TBCK: variants seen among roughly 807,000 people sequenced by gnomAD.
TBCK encodes TBC1 domain containing kinase.
Under a neutral mutation model 113.4 loss-of-function variants are expected in TBCK, and 99 were observed. The ratio of observed to expected loss-of-function variants is 0.87; its 90% confidence interval spans 0.74 to 1.03. TBCK has a LOEUF of 1.03. TBCK is among the 50% of genes least tolerant of loss of function. TBCK has a pLI of 0.00. For missense variants in TBCK, 1,045 were observed against 1,061.3 expected, an observed-to-expected ratio of 0.98 and a Z score of 0.21; for synonymous variants, 369 against 370.8, an observed-to-expected ratio of 1.00 and a Z score of 0.05.
intron 24 of TBCK, among the ~76,000 whole-genome samples, chr4:106,113,503 T>G (rs1284096013): frequency 6.6e-6 from 1 of 152,192 alleles, no homozygotes; most frequent in Non-Finnish European, 1.5e-5. Context: ...CCAAATGAAT[T>G]GTTAACATGT....
At position 106,046,280 on chromosome 4, in the gene TBCK, A is replaced by G. The variant is rs1734208385; in HGVS notation, c.*290T>C. ...GCAAATGGGATTTCTTGATAATGCT[A>G]AATCTGTCTTGTCAGCTGAATTTCT... is the stretch of plus-strand genomic sequence containing the variant. On this transcript the variant is annotated 3_prime_UTR_variant, in exon 26 of 26. Transcript: ENST00000394708. The G allele has an allele frequency of 7.8e-6, 2 of 257,682 alleles. No homozygotes were observed. Among genetic ancestry groups the G allele is most frequent in the Non-Finnish European group, 1.5e-5 (2 of 135,430 alleles). The allele number at this position is 257,682 out of a possible 1,614,324, so 16.0% of individuals were successfully genotyped here.
intron 19 of TBCK, among the ~76,000 whole-genome samples, chr4:106,225,659 G>A (rs1040316316): frequency 3.3e-5 from 5 of 151,724 alleles, no homozygotes; most frequent in African/African-American, 1.2e-4. Context: ...GGGTTTCACC[G>A]TGTTGGCCAG....
intron 23 of TBCK, among the ~76,000 whole-genome samples, chr4:106,157,187 A>G (rs1749229230): frequency 6.6e-6 from 1 of 152,000 alleles, no homozygotes. Context: ...CTGGTATTCT[A>G]TCCTACTGTG....
In TBCK at chr4:106,262,200, A is replaced by T; in HGVS notation, c.279T>A (p.Val93=). ...RERKPVSCST[V]LCIAFEVLQG... ...GAAGAACCTCAAATGCTATACACAA[A>T]ACCGTTGAACAGCTACAAAGAAAAC... Residue 93 remains valine (V), a synonymous_variant, in exon 4 of 26, where the codon GTT becomes GTA. Coordinates refer to ENST00000394708, the MANE Select transcript of TBCK (RefSeq NM_001163435.3). 6.5e-7 allele frequency: 1 copy of T among 1,540,810 alleles called. No homozygotes were observed. The highest frequency in any genetic ancestry group is 2.5e-5 in the East Asian group (1 of 40,668).
chr4:106,155,130 C>T (rs1186252283), intron 23 of TBCK, among the ~76,000 whole-genome samples: 2 of 150,538 alleles, frequency 1.3e-5, no homozygotes, highest in Admixed American at 6.6e-5. Flanking sequence ...GGAGGATACA[C>T]TATTCTAGGG....
At chr4:106,097,269 AC>A (rs945210707) in intron 24 of TBCK, among the ~76,000 whole-genome samples, 15 of 152,170 alleles carry the variant, frequency 9.9e-5, no homozygotes, top group African/African-American at 3.6e-4. Context: ...TTTAGGCTAC[AC>A]TTTGGAAAAT....
chr4:106,093,460 T>C (rs1740546270), intron 25 of TBCK, among the ~76,000 whole-genome samples: 2 of 152,080 alleles, frequency 1.3e-5, no homozygotes, highest in Admixed American at 6.5e-5. Context: ...TGAGCTGAGA[T>C]TGCACCACTG....
chr4:106,132,054 G>C (rs1442787338), intron 23 of TBCK, among the ~76,000 whole-genome samples: 1 of 152,206 alleles, frequency 6.6e-6, no homozygotes, highest in Non-Finnish European at 1.5e-5. Context: ...TGAAAAATTT[G>C]AAGGTTGGCA....
intron 12 of TBCK, among the ~76,000 whole-genome samples, chr4:106,239,109 C>G (rs906152938): frequency 6.6e-6 from 1 of 152,046 alleles, no homozygotes; most frequent in Non-Finnish European, 1.5e-5. Context: ...GGAAACTCTT[C>G]GGTCAGGTCT....
intron 22 of TBCK, among the ~76,000 whole-genome samples, chr4:106,176,526 C>T (rs994249130): frequency 1.3e-5 from 2 of 152,154 alleles, no homozygotes; most frequent in South Asian, 2.1e-4. Flanking sequence ...TGCCTTTTAT[C>T]GCTGAATGGT....
chr4:106,271,783 CT>C (rs1763517179), intron 3 of TBCK, among the ~76,000 whole-genome samples: 1 of 150,382 alleles, frequency 6.6e-6, no homozygotes, highest in East Asian at 1.9e-4. Flanking sequence ...AAAAAAACAA[CT>C]GTTCTTAAGT....
chr4:106,094,779 T>C (rs1388648280), intron 25 of TBCK, among the ~76,000 whole-genome samples: 1 of 152,174 alleles, frequency 6.6e-6, no homozygotes, highest in East Asian at 1.9e-4. Context: ...AGGGAGCAAG[T>C]TACCTCTGCT....
chr4:106,176,243 T>A (rs1751654226), intron 22 of TBCK, among the ~76,000 whole-genome samples: 1 of 152,096 alleles, frequency 6.6e-6, no homozygotes, highest in Non-Finnish European at 1.5e-5. Flanking sequence ...CATCCTACTG[T>A]GCTGTCTATT....
At chr4:106,113,804 T>C (rs1743148327) in intron 24 of TBCK, among the ~76,000 whole-genome samples, 1 of 152,190 alleles carries the variant, frequency 6.6e-6, no homozygotes, top group Non-Finnish European at 1.5e-5. Flanking sequence ...TTTAATTCTT[T>C]CACTTTACCT....
intron 23 of TBCK, among the ~76,000 whole-genome samples, chr4:106,168,965 C>G (rs910065406): frequency 2.0e-5 from 3 of 151,860 alleles, no homozygotes; most frequent in Non-Finnish European, 2.9e-5. Flanking sequence ...AGATGATAGT[C>G]AAAGGAAATG....
At chr4:106,144,261 T>C (rs1312817707) in intron 23 of TBCK, among the ~76,000 whole-genome samples, 1 of 152,196 alleles carries the variant, frequency 6.6e-6, no homozygotes, top group East Asian at 1.9e-4. Context: ...ATGATAAAAA[T>C]CTTGTTAACT....
At chr4:106,235,459 A>C in intron 14 of TBCK, 92 bp from the exon 15 acceptor site, 5 of 715,256 alleles carry the variant, frequency 7.0e-6, no homozygotes, top group Non-Finnish European at 8.4e-6. Flanking sequence ...GATAAAACTT[A>C]AGTGACTTGC....
chr4:106,101,489 G>A (rs752369756), intron 24 of TBCK, among the ~76,000 whole-genome samples: 3 of 152,140 alleles, frequency 2.0e-5, no homozygotes, highest in Non-Finnish European at 4.4e-5. Context: ...TTGCTTTGAA[G>A]AAGTTTTTAT....
At chr4:106,121,091 C>G (rs1043248563) in intron 23 of TBCK, among the ~76,000 whole-genome samples, 1 of 152,120 alleles carries the variant, frequency 6.6e-6, no homozygotes, top group South Asian at 2.1e-4. Flanking sequence ...GAATGTATAA[C>G]TAGAATAACC....
Sources: gnomAD v4.1 joint callset for allele counts (sites outside exome capture counted in the v4.1 genomes callset) on GRCh38, gnomAD v4.1.1 for gene constraint, MANE v1.5 for transcripts, NCBI Gene and HGNC (gene_info 2026-07-23, HGNC 2026-07-21) for gene names.